PABPC3: variants seen among roughly 807,000 people sequenced by gnomAD.
PABPC3 encodes poly(A) binding protein cytoplasmic 3.
A neutral mutation model predicts 43.0 loss-of-function variants in PABPC3; 43 were observed. The observed-to-expected ratio is 1.00, with a 90% CI of 0.78 to 1.29. PABPC3 has a LOEUF of 1.29. Among genes scored for constraint, PABPC3 ranks in the 50% most tolerant of loss-of-function variants. The pLI, the probability that PABPC3 is intolerant of heterozygous loss-of-function variation, is 0.00. For missense variants in PABPC3, 784 were observed against 798.1 expected (o/e 0.98, Z 0.21); for synonymous variants, 221 against 274.6 (o/e 0.80, Z 1.93).
Position 25,096,514 on chromosome 13 carries a change from C to G in PABPC3, c.316C>G (p.Leu106Val). The change falls in exon 1 of 1, where the codon CTG becomes GTG. Residue 106 changes from leucine (L) to valine (V), a missense_variant. Physicochemically the swap from Leu to Val is conservative, Grantham distance 32. Coordinates refer to ENST00000281589, the MANE Select transcript of PABPC3 (RefSeq NM_030979.3). ...AGTGGGCAACATATTCGTTAAAAAT[C>G]TGGATAAGTCCATTAATAATAAAGC... ...SGVGNIFVKN[L>V]DKSINNKALY... 1 of 1,614,210 alleles carries G rather than the reference C, an allele frequency of 6.2e-7. No homozygotes were observed.
rs201771028 is a variant in PABPC3 at position 25,096,463 on chromosome 13, C to T, written c.265C>T (p.Arg89Cys). 21 of 1,614,174 alleles carry T rather than the reference C, an allele frequency of 1.3e-5. No individual in the cohort carries two copies. In the East Asian group the frequency reaches 2.0e-4, roughly 15 times the overall value. Residue 89 changes from arginine to cysteine, a missense_variant, in exon 1 of 1, where the codon CGT (arginine) becomes TGT (cysteine). Arg to Cys is a radical substitution (Grantham distance 180). Coordinates refer to ENST00000281589, the MANE Select transcript of PABPC3 (RefSeq NM_030979.3). ...GCCAGTACGCATCATGTGGTCTCAG[C>T]GTGATCCATCACTTCGAAAAAGTGG... ...GKPVRIMWSQ[R>C]DPSLRKSGVG...
Position 25,097,488 on chromosome 13 carries a change from C to G in PABPC3, c.1290C>G (p.Arg430=), listed in dbSNP as rs769324626. Residue 430 remains arginine (R), a synonymous_variant, in exon 1 of 1, where the codon CGC becomes CGG. Coordinates refer to ENST00000281589, the MANE Select transcript of PABPC3 (RefSeq NM_030979.3). The part of the protein sequence containing the change: ...SQIARLRPSP[R]WTAQGARPHP... Reference sequence around the variant, plus strand: ...TTGCTCGACTAAGACCAAGTCCTCGCTGGACTGCTCAGGGTGCCAGACCTC... The same window carrying G: ...TTGCTCGACTAAGACCAAGTCCTCGGTGGACTGCTCAGGGTGCCAGACCTC... The G allele has an allele frequency of 1.2e-6, 2 of 1,614,160 alleles. No homozygotes were observed. Among genetic ancestry groups the G allele is most frequent in the African/African-American group, 1.3e-5 (1 of 74,954 alleles).
rs768296439 is a variant in PABPC3 at position 25,096,162 on chromosome 13, G to A, written c.-37G>A. The A allele has an allele frequency of 6.3e-7, 1 of 1,586,860 alleles. No homozygotes were observed. Among genetic ancestry groups the A allele is most frequent in the Non-Finnish European group, 8.6e-7 (1 of 1,164,890 alleles). On this transcript the variant is annotated 5_prime_UTR_variant, in exon 1 of 1. Transcript: ENST00000281589. Reference sequence around the variant, plus strand: ...CGCGCTCTACTCCTGTAACGGAAAGGTCGCGGCTTGTGTGCCTGCGGGCAG... The same window carrying A: ...CGCGCTCTACTCCTGTAACGGAAAGATCGCGGCTTGTGTGCCTGCGGGCAG...
chr13:25,096,430 A>G lies in PABPC3; in HGVS notation c.232A>G (p.Lys78Glu). The change falls in exon 1 of 1, where the codon AAG becomes GAG. Residue 78 changes from lysine to glutamate, a missense_variant. Lys to Glu is a moderately conservative substitution (Grantham distance 56, BLOSUM62 1). Coordinates refer to ENST00000281589, the MANE Select transcript of PABPC3 (RefSeq NM_030979.3). ...GGACACCATGAATTTTGATGTTATA[A>G]AGGGCAAGCCAGTACGCATCATGTG... The part of the protein sequence containing the change: ...ALDTMNFDVI[K>E]GKPVRIMWSQ... The G allele has an allele frequency of 6.2e-7, 1 of 1,614,226 alleles. No homozygotes were observed. The highest frequency in any genetic ancestry group is 8.5e-7 in the Non-Finnish European group (1 of 1,180,034).
In PABPC3 at chr13:25,096,157, G is replaced by A. The variant is rs1366154278; in HGVS notation, c.-42G>A. 2 of 1,579,930 alleles carry A rather than the reference G, an allele frequency of 1.3e-6. No individual in the cohort carries two copies. Among genetic ancestry groups the A allele is most frequent in the Non-Finnish European group, 1.7e-6 (2 of 1,161,126 alleles). The stretch of plus-strand genomic sequence containing the variant: ...CGGCACGCGCTCTACTCCTGTAACG[G>A]AAAGGTCGCGGCTTGTGTGCCTGCG... On this transcript the variant is annotated 5_prime_UTR_variant, in exon 1 of 1. Transcript: ENST00000281589.
At position 25,099,218 on chromosome 13, in the gene PABPC3, A is replaced by G. The variant is rs1956066515; in HGVS notation, c.*1124A>G. Reference sequence around the variant, plus strand: ...TTGCACTACATAGAAATATAATTATACCATATTACTTTGCAATAAACTATG... The same window carrying G: ...TTGCACTACATAGAAATATAATTATGCCATATTACTTTGCAATAAACTATG... On this transcript the variant is annotated 3_prime_UTR_variant, in exon 1 of 1. Transcript: ENST00000281589. 1.2e-5 allele frequency: 2 copies of G among 165,916 alleles called. No individual in the cohort carries two copies. The allele number at this position is 165,916 out of a possible 1,614,324, so 10.3% of individuals were successfully genotyped here.
rs1956061158 is a variant in PABPC3, at chr13:25,098,444, T to C, written c.*350T>C. ...TAAAGCATTCCTTTAATTTTTTAATTCTTTACTGTGGAATAGCTCAAAATG... is the reference window on the plus strand; with the variant it reads ...TAAAGCATTCCTTTAATTTTTTAATCCTTTACTGTGGAATAGCTCAAAATG... On this transcript the variant is annotated 3_prime_UTR_variant, in exon 1 of 1. Coordinates refer to ENST00000281589, the MANE Select transcript of PABPC3 (RefSeq NM_030979.3). The C allele has an allele frequency of 4.4e-6, 1 of 226,360 alleles. No homozygotes were observed. The highest frequency in any genetic ancestry group is 2.4e-5 in the African/African-American group (1 of 42,154). The allele number at this position is 226,360 out of a possible 1,614,324, so 14.0% of individuals were successfully genotyped here.
At position 25,097,818 on chromosome 13, in the gene PABPC3, G is replaced by T. The variant is rs1339937780; in HGVS notation, c.1620G>T (p.Leu540Phe). 1.9e-6 allele frequency: 3 copies of T among 1,613,962 alleles called. No individual in the cohort carries two copies. Among genetic ancestry groups the T allele is most frequent in the Non-Finnish European group, 2.5e-6 (3 of 1,179,848 alleles). ...TTCATGTACAAGGTCAGGAAACTTT[G>T]ACTGCCTCCAGGTTGGCATCTGCCC... ...LAVHVQGQET[L>F]TASRLASAPP... Residue 540 changes from leucine (L) to phenylalanine (F), a missense_variant, in exon 1 of 1, where the codon TTG (leucine) becomes TTT (phenylalanine). Leu to Phe is a conservative substitution (Grantham distance 22). Coordinates refer to ENST00000281589, the MANE Select transcript of PABPC3 (RefSeq NM_030979.3).
chr13:25,096,724 C>T lies in PABPC3; in HGVS notation c.526C>T (p.Arg176Cys), dbSNP rs770872268. 3 of 1,614,276 alleles carry T rather than the reference C, an allele frequency of 1.9e-6. No homozygotes were observed. Among genetic ancestry groups the T allele is most frequent in the Non-Finnish European group, 1.7e-6 (2 of 1,180,050 alleles). The change falls in exon 1 of 1, where the codon CGT (arginine) becomes TGT (cysteine). Residue 176 changes from arginine to cysteine, a missense_variant. Coordinates refer to ENST00000281589, the MANE Select transcript of PABPC3 (RefSeq NM_030979.3). ...RKVFVGQFKS[R>C]KEREAELGAR... ...AGTATTTGTTGGACAATTTAAGTCT[C>T]GTAAAGAACGAGAAGCTGAACTTGG...
At position 25,097,342 on chromosome 13, in the gene PABPC3, T is replaced by C. The variant is rs1389561530; in HGVS notation, c.1144T>C (p.Tyr382His). 1.2e-6 allele frequency: 2 copies of C among 1,614,048 alleles called. No homozygotes were observed. The highest frequency in any genetic ancestry group is 2.7e-5 in the African/African-American group (2 of 74,908). Residue 382 changes from tyrosine (Y) to histidine (H), a missense_variant, in exon 1 of 1, where the codon TAT becomes CAT. By Grantham distance (83) the Tyr-to-His change is moderately conservative. Coordinates refer to ENST00000281589, the MANE Select transcript of PABPC3 (RefSeq NM_030979.3). ...EERQAYLTNE[Y>H]MQRMASVRAV... ...GCGCCAGGCTTACCTCACTAACGAG[T>C]ATATGCAGAGAATGGCAAGTGTACG... is the stretch of plus-strand genomic sequence containing the variant.
Position 25,098,790 on chromosome 13 carries a change from A to C in PABPC3, c.*696A>C, listed in dbSNP as rs528230740. 6.0e-6 allele frequency: 1 copy of C among 166,890 alleles called. No homozygotes were observed. The highest frequency in any genetic ancestry group is 1.9e-4 in the East Asian group (1 of 5,202). The allele number at this position is 166,890 out of a possible 1,614,324, so 10.3% of individuals were successfully genotyped here. A position where few individuals can be genotyped will look rare whatever the true frequency, so the allele number is the denominator to read the frequency against. ...AATTGTAAGACAATTATTAATTTAT[A>C]CTGCATTATTTTTAAATAAAAAATA... On this transcript the variant is annotated 3_prime_UTR_variant, in exon 1 of 1. Transcript: ENST00000281589.
chr13:25,096,142 T>C lies in PABPC3; in HGVS notation c.-57T>C. 6.5e-7 allele frequency: 1 copy of C among 1,548,488 alleles called. No homozygotes were observed. Among genetic ancestry groups the C allele is most frequent in the Non-Finnish European group, 8.8e-7 (1 of 1,140,994 alleles). On this transcript the variant is annotated 5_prime_UTR_variant, in exon 1 of 1. Coordinates refer to ENST00000281589, the MANE Select transcript of PABPC3 (RefSeq NM_030979.3). Reference sequence around the variant, plus strand: ...CTACGCCCCCGGCCCCGGCACGCGCTCTACTCCTGTAACGGAAAGGTCGCG... The same window carrying C: ...CTACGCCCCCGGCCCCGGCACGCGCCCTACTCCTGTAACGGAAAGGTCGCG...
rs1956042794 is a variant in PABPC3 at position 25,096,943 on chromosome 13, G to A, written c.745G>A (p.Asp249Asn). 6.2e-7 allele frequency: 1 copy of A among 1,614,254 alleles called. No homozygotes were observed. Residue 249 changes from aspartate (D) to asparagine (N), a missense_variant, in exon 1 of 1, where the codon GAT (aspartate) becomes AAT (asparagine). Transcript: ENST00000281589. ...ERHEDAQKAVDEMNGKELNGK... is the reference protein window; with the variant it reads ...ERHEDAQKAVNEMNGKELNGK... ...GCATGAAGATGCACAGAAAGCTGTAGATGAGATGAATGGAAAGGAGCTCAA... is the reference window on the plus strand; with the variant it reads ...GCATGAAGATGCACAGAAAGCTGTAAATGAGATGAATGGAAAGGAGCTCAA...
At position 25,096,152 on chromosome 13, in the gene PABPC3, T is replaced by C. The variant is rs758555839; in HGVS notation, c.-47T>C. The C allele has an allele frequency of 1.7e-5, 27 of 1,572,904 alleles. No homozygotes were observed. The Middle Eastern group carries it at 5.3e-4, about 31-fold the overall frequency. ...GGCCCCGGCACGCGCTCTACTCCTG[T>C]AACGGAAAGGTCGCGGCTTGTGTGC... On this transcript the variant is annotated 5_prime_UTR_variant, in exon 1 of 1. Coordinates refer to ENST00000281589, the MANE Select transcript of PABPC3 (RefSeq NM_030979.3).
Position 25,098,065 on chromosome 13 carries a change from A to C in PABPC3, c.1867A>C (p.Asn623His). 1 of 1,614,010 alleles carries C rather than the reference A, an allele frequency of 6.2e-7. No homozygotes were observed. The highest frequency in any genetic ancestry group is 8.5e-7 in the Non-Finnish European group (1 of 1,179,856). ...TAAAGAGGCTACCCAGAAAGCAGTT[A>C]ACAGTGCTACCGGTGTTCCAACTGT... ...QAKEATQKAV[N>H]SATGVPTV is the part of the protein sequence containing the mutation. Residue 623 changes from asparagine (N) to histidine (H), a missense_variant, in exon 1 of 1, where the codon AAC (asparagine) becomes CAC (histidine). Transcript: ENST00000281589.
In PABPC3 at chr13:25,096,950, T is replaced by C; in HGVS notation, c.752T>C (p.Met251Thr). 6.2e-7 allele frequency: 1 copy of C among 1,614,212 alleles called. No homozygotes were observed. Among genetic ancestry groups the C allele is most frequent in the Non-Finnish European group, 8.5e-7 (1 of 1,180,016 alleles). ...GATGCACAGAAAGCTGTAGATGAGA[T>C]GAATGGAAAGGAGCTCAATGGAAAA... is the stretch of plus-strand genomic sequence containing the variant. ...HEDAQKAVDE[M>T]NGKELNGKQI... The change falls in exon 1 of 1, where the codon ATG (methionine) becomes ACG (threonine). Residue 251 changes from methionine to threonine, a missense_variant. Met to Thr is a moderately conservative substitution (Grantham distance 81, BLOSUM62 -1). Transcript: ENST00000281589.
the PABPC3 span, chr13:25,097,895 AAG>A: frequency 1.9e-6 from 3 of 1,613,836 alleles, no homozygotes; most frequent in Non-Finnish European, 2.5e-6. Flanking sequence ...CCTCTTATTC[AAG>A]CCATGCACCC....
Position 25,097,662 on chromosome 13 carries a change from T to A in PABPC3, c.1464T>A (p.Pro488=). 4.3e-6 allele frequency: 7 copies of A among 1,614,198 alleles called. No homozygotes were observed. The highest frequency in any genetic ancestry group is 5.9e-6 in the Non-Finnish European group (7 of 1,179,996). ...NTSTQTVGPR[P]AAAAAAAATP... ...CAACACAGACAGTGGGTCCACGTCCTGCAGCTGCTGCTGCTGCTGCAGCTA... is the reference window on the plus strand; with the variant it reads ...CAACACAGACAGTGGGTCCACGTCCAGCAGCTGCTGCTGCTGCTGCAGCTA... The change falls in exon 1 of 1, where the codon CCT becomes CCA. Residue 488 remains proline, a synonymous_variant. Coordinates refer to ENST00000281589, the MANE Select transcript of PABPC3 (RefSeq NM_030979.3).
Position 25,098,191 on chromosome 13 carries a change from T to TA in PABPC3, c.*103dup. The TA allele has an allele frequency of 1.8e-6, 2 of 1,102,890 alleles. No individual in the cohort carries two copies. The highest frequency in any genetic ancestry group is 2.7e-6 in the Non-Finnish European group (2 of 747,676). The allele number at this position is 1,102,890 out of a possible 1,614,324, so 68.3% of individuals were successfully genotyped here. ...GGAAAAAAAATTGCAAAATCTAAAA[T>TA]AAAAAATGCAAAATCTAAAATAAAA... On this transcript the variant is annotated 3_prime_UTR_variant, in exon 1 of 1. Transcript: ENST00000281589.
Sources: gnomAD v4.1 joint callset for allele counts on GRCh38, gnomAD v4.1.1 for gene constraint, MANE v1.5 for transcripts, NCBI Gene and HGNC (gene_info 2026-07-23, HGNC 2026-07-21) for gene names.